The following RAD51B variants were observed in gnomAD, a reference collection of about 807,000 sequenced individuals.
RAD51B encodes the protein RAD51 paralog B, also known as DNA repair protein RAD51 homolog 2.
A neutral mutation model predicts 42.2 loss-of-function variants in RAD51B; 38 were observed. That is an observed-to-expected ratio of 0.90 (90% CI 0.70 to 1.18). The LOEUF (loss-of-function observed/expected upper bound fraction) is 1.18, where lower values mean the gene tolerates loss of function less well. Among genes scored for constraint, RAD51B ranks in the 50% most tolerant of loss-of-function variants. RAD51B has a pLI of 0.00. For synonymous variants in RAD51B, 154 were observed against 145.2 expected (o/e 1.06, Z -0.43); for missense variants, 373 against 400.7 (o/e 0.93, Z 0.59).
At chr14:68,300,534 A>G (rs2081707493) in intron 8 of RAD51B, among the ~76,000 whole-genome samples, 1 of 152,188 alleles carries the variant, frequency 6.6e-6, no homozygotes. Flanking sequence ...AAAAATTTTG[A>G]TAGAAGTTAC....
At chr14:68,583,499 T>A (rs879776023) in intron 10 of RAD51B, among the ~76,000 whole-genome samples, 3 of 152,236 alleles carry the variant, frequency 2.0e-5, no homozygotes, top group Non-Finnish European at 2.9e-5. Flanking sequence ...CCTCTTGCCT[T>A]GACAAACGCA....
At chr14:68,282,427 A>G (rs1468633417) in intron 7 of RAD51B, among the ~76,000 whole-genome samples, 1 of 152,094 alleles carries the variant, frequency 6.6e-6, no homozygotes, top group Middle Eastern at 3.2e-3. Flanking sequence ...CCATTTCAAT[A>G]TATTTGTTCT....
intron 7 of RAD51B, among the ~76,000 whole-genome samples, chr14:68,247,466 G>A (rs2080523685): frequency 1.3e-5 from 2 of 152,184 alleles, no homozygotes; most frequent in African/African-American, 4.8e-5. Flanking sequence ...TAGCTAGTTA[G>A]TGCAGGAACG....
intron 10 of RAD51B, among the ~76,000 whole-genome samples, chr14:68,513,190 T>C (rs886961872): frequency 5.9e-5 from 9 of 152,124 alleles, no homozygotes; most frequent in South Asian, 2.1e-4. Flanking sequence ...TCAGAGGCTA[T>C]AGAGAGGCTC....
At chr14:68,191,437 G>A (rs532610793) in intron 7 of RAD51B, among the ~76,000 whole-genome samples, 1 of 152,240 alleles carries the variant, frequency 6.6e-6, no homozygotes, top group South Asian at 2.1e-4. Flanking sequence ...TAAGTGATAT[G>A]GTTACTTACC....
At chr14:68,158,392 T>C (rs1400336815) in intron 7 of RAD51B, among the ~76,000 whole-genome samples, 1 of 152,240 alleles carries the variant, frequency 6.6e-6, no homozygotes, top group African/African-American at 2.4e-5. Context: ...TTCAAACCTA[T>C]GAAATGCCGA....
chr14:68,022,124 A>G (rs2075877644), intron 7 of RAD51B, among the ~76,000 whole-genome samples: 2 of 152,040 alleles, frequency 1.3e-5, no homozygotes, highest in Admixed American at 1.3e-4. Flanking sequence ...TATTGTTCCC[A>G]TGTTTATGTT....
intron 10 of RAD51B, chr14:68,541,912 A>G (rs1479884628): frequency 4.4e-6 from 4 of 903,566 alleles, no homozygotes; most frequent in South Asian, 5.1e-5. Flanking sequence ...TATTTTGTAT[A>G]GAAGTGGTTC....
intron 7 of RAD51B, among the ~76,000 whole-genome samples, chr14:67,979,496 A>G (rs571913227): frequency 1.6e-4 from 25 of 152,106 alleles, no homozygotes; most frequent in Non-Finnish European, 2.8e-4. Context: ...CCCTTTTAAC[A>G]CTGCGCTACT....
At chr14:68,672,875 G>A (rs533282173) in intron 11 of RAD51B, among the ~76,000 whole-genome samples, 1 of 152,298 alleles carries the variant, frequency 6.6e-6, no homozygotes, top group African/African-American at 2.4e-5. Context: ...TGTGAATCGT[G>A]CTCCTGATTA....
chr14:68,084,515 T>G (rs2076956641), intron 7 of RAD51B, among the ~76,000 whole-genome samples: 1 of 152,216 alleles, frequency 6.6e-6, no homozygotes, highest in Non-Finnish European at 1.5e-5. Flanking sequence ...GAACAACTGC[T>G]GTGGACATAC....
chr14:67,909,329 G>C, intron 7 of RAD51B, among the ~76,000 whole-genome samples: 1 of 152,174 alleles, frequency 6.6e-6, no homozygotes, highest in Admixed American at 6.6e-5. Flanking sequence ...AGACACTGAA[G>C]AGTGGAAAAA....
At chr14:68,376,443 T>C (rs1162650806) in intron 8 of RAD51B, among the ~76,000 whole-genome samples, 1 of 152,222 alleles carries the variant, frequency 6.6e-6, no homozygotes, top group Admixed American at 6.5e-5. Context: ...GTGGATGGCA[T>C]CATGGAAGAA....
chr14:68,588,111 T>C (rs11623543), intron 10 of RAD51B, among the ~76,000 whole-genome samples: 49,551 of 152,080 alleles, frequency 0.33, 9,659 homozygotes, highest in East Asian at 0.61. Context: ...AAAGAACATA[T>C]GGGTGCGTTC....
At chr14:68,393,305 A>G (rs1486987428) in intron 8 of RAD51B, among the ~76,000 whole-genome samples, 1 of 152,226 alleles carries the variant, frequency 6.6e-6, no homozygotes, top group Non-Finnish European at 1.5e-5. Context: ...CCGCTTCTCC[A>G]GTTTCTTCAG....
At chr14:68,112,916 A>G (rs976526659) in intron 7 of RAD51B, among the ~76,000 whole-genome samples, 15 of 152,284 alleles carry the variant, frequency 9.9e-5, no homozygotes, top group Middle Eastern at 3.4e-3. Context: ...TTTACTTTAT[A>G]TAATTAGACA....
intron 8 of RAD51B, among the ~76,000 whole-genome samples, chr14:68,294,784 A>G (rs2081582060): frequency 6.6e-6 from 1 of 152,226 alleles, no homozygotes; most frequent in South Asian, 2.1e-4. Flanking sequence ...AGGATCTTTA[A>G]TAAATCTTAG....
chr14:68,437,314 C>A (rs144820037), intron 9 of RAD51B, among the ~76,000 whole-genome samples: 8 of 152,242 alleles, frequency 5.3e-5, no homozygotes, highest in Non-Finnish European at 1.0e-4. Flanking sequence ...TCATAAATAT[C>A]GATTTGCATA....
At chr14:68,427,628 C>T (rs2084885534) in intron 9 of RAD51B, among the ~76,000 whole-genome samples, 1 of 152,150 alleles carries the variant, frequency 6.6e-6, no homozygotes. Context: ...AGGCACATAA[C>T]TTGTTTAATT....
Sources: allele counts gnomAD v4.1 joint callset (sites outside exome capture counted in the v4.1 genomes callset), GRCh38; gene constraint gnomAD v4.1.1; transcripts MANE v1.5; gene names NCBI Gene and HGNC (gene_info 2026-07-23, HGNC 2026-07-21).